The following TRDN variants were observed in gnomAD, a reference collection of about 807,000 sequenced individuals.
The protein encoded by TRDN is triadin.
A neutral mutation model predicts 149.7 loss-of-function variants in TRDN; 161 were observed. That is an observed-to-expected ratio of 1.08 (90% CI 0.95 to 1.23). The LOEUF is 1.23. TRDN is among the 50% of genes most tolerant of loss of function. The probability of loss-of-function intolerance (pLI) is 0.00; values close to 1 mark genes in which losing one functional copy is unlikely to be tolerated. For missense variants in TRDN, 896 were observed against 823.5 expected (o/e 1.09, Z -1.08); for synonymous variants, 294 against 250.5 (o/e 1.17, Z -1.64).
chr6:123,560,252 C>T (rs531865377), intron 2 of TRDN, among the ~76,000 whole-genome samples: 1 of 152,078 alleles, frequency 6.6e-6, no homozygotes, highest in Middle Eastern at 3.2e-3. Context: ...ACTTTCTGCC[C>T]CCTCCACTAC....
chr6:123,529,408 G>T, intron 5 of TRDN: 1 of 1,488,878 alleles, frequency 6.7e-7, no homozygotes, highest in Non-Finnish European at 9.2e-7. Flanking sequence ...TGTTCTGATT[G>T]TTGAAGAATT....
intron 12 of TRDN, among the ~76,000 whole-genome samples, chr6:123,417,126 T>A (rs1421249171): frequency 1.3e-5 from 2 of 152,188 alleles, no homozygotes; most frequent in Non-Finnish European, 2.9e-5. Context: ...ACAAATCATT[T>A]CTCAAGAATG....
At chr6:123,469,211 T>A (rs1777008874) in intron 9 of TRDN, among the ~76,000 whole-genome samples, 2 of 152,198 alleles carry the variant, frequency 1.3e-5, no homozygotes, top group Non-Finnish European at 1.5e-5. Flanking sequence ...TAACAAATAC[T>A]AAAATTAAAT....
chr6:123,464,887 G>GAA lies in TRDN; in HGVS notation c.931+17_931+18dup. 3 of 1,454,158 alleles carry GAA rather than the reference G, an allele frequency of 2.1e-6. No individual in the cohort carries two copies. Among genetic ancestry groups the GAA allele is most frequent in the Non-Finnish European group, 2.8e-6 (3 of 1,078,042 alleles). The allele number at this position is 1,454,158 out of a possible 1,614,324, so 90.1% of individuals were successfully genotyped here. A position where few individuals can be genotyped will look rare whatever the true frequency, so the allele number is the denominator to read the frequency against. On this transcript the variant is annotated intron_variant, in intron 10 of 40. Transcript: ENST00000334268. ...TTTTATCTACAATAGAGATCTTTAA[G>GAA]AAAAAAAAAAGTACTTGCCTTCAAG... is the stretch of plus-strand genomic sequence containing the variant.
intron 38 of TRDN, among the ~76,000 whole-genome samples, chr6:123,246,886 T>C (rs1483257351): frequency 6.6e-6 from 1 of 151,806 alleles, no homozygotes; most frequent in Non-Finnish European, 1.5e-5. Flanking sequence ...CAGCAGCACA[T>C]CAAAAAGTTT....
intron 24 of TRDN, among the ~76,000 whole-genome samples, chr6:123,299,838 T>C (rs1778339599): frequency 2.0e-5 from 3 of 151,874 alleles, no homozygotes; most frequent in Admixed American, 2.0e-4. Flanking sequence ...AAAAAGGAGA[T>C]TGAGAATAGG....
At chr6:123,560,118 G>A (rs73605537) in intron 2 of TRDN, among the ~76,000 whole-genome samples, 10 of 152,174 alleles carry the variant, frequency 6.6e-5, no homozygotes, top group Admixed American at 1.3e-4. Flanking sequence ...TTATGTCTGC[G>A]TGCGGCGGCT....
intron 21 of TRDN, among the ~76,000 whole-genome samples, chr6:123,342,512 T>A (rs924703730): frequency 6.6e-6 from 1 of 151,948 alleles, no homozygotes; most frequent in Non-Finnish European, 1.5e-5. Context: ...TATCCACGTA[T>A]AATGATAAAG....
At position 123,604,231 on chromosome 6, in the gene TRDN, C is replaced by T. The variant is rs142762138; in HGVS notation, c.22+32523G>A. 1.8e-4 allele frequency among the ~76,000 whole-genome samples: 28 copies of T among 152,308 alleles called. No homozygotes were observed. In the South Asian group the frequency reaches 2.7e-3, roughly 15 times the overall value. ...CACTGTTAATCGTGTGACCCTGTCA[C>T]GCACAGGCTGCTGTGGGAACATACT... is the stretch of plus-strand genomic sequence containing the variant. On this transcript the variant is annotated intron_variant, in intron 1 of 40. Coordinates refer to ENST00000334268, the MANE Select transcript of TRDN (RefSeq NM_006073.4).
At position 123,325,339 on chromosome 6, in the gene TRDN, G is replaced by C. The variant is rs549906713; in HGVS notation, c.1471+6540C>G. 3.3e-5 allele frequency among the ~76,000 whole-genome samples: 5 copies of C among 152,082 alleles called. No individual in the cohort carries two copies. The South Asian group carries it at 1.0e-3, about 32-fold the overall frequency. Reference sequence around the variant, plus strand: ...TAAATCATGCTAAGAATTTATATTAGAGACTAGGCACCAAGAAACTCAGAA... The same window carrying C: ...TAAATCATGCTAAGAATTTATATTACAGACTAGGCACCAAGAAACTCAGAA... On this transcript the variant is annotated intron_variant, in intron 23 of 40. Coordinates refer to ENST00000334268, the MANE Select transcript of TRDN (RefSeq NM_006073.4).
intron 4 of TRDN, among the ~76,000 whole-genome samples, chr6:123,542,347 A>G (rs756511237): frequency 2.0e-5 from 3 of 152,200 alleles, no homozygotes; most frequent in Non-Finnish European, 2.9e-5. Flanking sequence ...AGATAAACCT[A>G]TAGCCCATAA....
intron 12 of TRDN, among the ~76,000 whole-genome samples, chr6:123,422,535 T>C (rs746292649): frequency 3.3e-5 from 5 of 152,100 alleles, no homozygotes; most frequent in Admixed American, 6.6e-5. Flanking sequence ...ATTCCTCCCA[T>C]TGGAATTCCA....
intron 1 of TRDN, among the ~76,000 whole-genome samples, chr6:123,601,942 C>T (rs1232551280): frequency 3.3e-5 from 5 of 152,010 alleles, no homozygotes; most frequent in Non-Finnish European, 7.4e-5. Flanking sequence ...GTGATAAGTA[C>T]TGGAAAATGG....
intron 1 of TRDN, among the ~76,000 whole-genome samples, chr6:123,601,504 G>C (rs1286829383): frequency 6.6e-6 from 1 of 152,084 alleles, no homozygotes; most frequent in Non-Finnish European, 1.5e-5. Context: ...GAATATAATG[G>C]AGAATCAATG....
chr6:123,241,598 T>C (rs1189299220), intron 38 of TRDN, among the ~76,000 whole-genome samples: 1 of 151,686 alleles, frequency 6.6e-6, no homozygotes, highest in Non-Finnish European at 1.5e-5. Flanking sequence ...TAGAAAGCTT[T>C]TGAAAAATCA....
chr6:123,237,619 T>C (rs1775839352), intron 38 of TRDN, among the ~76,000 whole-genome samples: 1 of 152,198 alleles, frequency 6.6e-6, no homozygotes, highest in African/African-American at 2.4e-5. Flanking sequence ...ATTTGCTACA[T>C]AGACAATCAT....
Position 123,431,245 on chromosome 6 carries a change from C to T in TRDN, c.1051+6818G>A, listed in dbSNP as rs1774328322. 2.6e-5 allele frequency among the ~76,000 whole-genome samples: 4 copies of T among 152,112 alleles called. 1 individual carries two copies. The South Asian group carries it at 8.3e-4, about 32-fold the overall frequency. On this transcript the variant is annotated intron_variant, in intron 12 of 40. Coordinates refer to ENST00000334268, the MANE Select transcript of TRDN (RefSeq NM_006073.4). ...ATTGCCTTGTAATTGTGGAGCCTCA[C>T]TAAGTCAAGGCTGGGAAATACTGAT...
intron 12 of TRDN, among the ~76,000 whole-genome samples, chr6:123,427,272 C>T (rs117622756): frequency 0.013 from 2,004 of 150,434 alleles, 20 homozygotes; most frequent in South Asian, 0.032. Context: ...CTCTTGACCA[C>T]GCCTTTTGTT....
intron 10 of TRDN, among the ~76,000 whole-genome samples, chr6:123,449,454 T>C (rs1013026463): frequency 6.6e-6 from 1 of 152,048 alleles, no homozygotes; most frequent in South Asian, 2.1e-4. Flanking sequence ...AATCGAACAA[T>C]TAAAAGAAAG....
Sources: allele counts gnomAD v4.1 joint callset (sites outside exome capture counted in the v4.1 genomes callset), GRCh38; gene constraint gnomAD v4.1.1; transcripts MANE v1.5; gene names NCBI Gene and HGNC (gene_info 2026-07-23, HGNC 2026-07-21).